Variants in TMEM132D observed in about 807,000 individuals in gnomAD.
TMEM132D encodes the protein mature OL transmembrane protein.
A neutral mutation model predicts 62.3 loss-of-function variants in TMEM132D; 21 were observed. That is an observed-to-expected ratio of 0.34 (90% CI 0.24 to 0.49). The LOEUF is 0.49. Ranked by LOEUF, TMEM132D falls within the 20% of genes least tolerant of loss-of-function variation. TMEM132D has a pLI of 0.99. For missense variants in TMEM132D, 1,346 were observed against 1,402.8 expected (o/e 0.96, Z 0.65); for synonymous variants, 621 against 575.6 (o/e 1.08, Z -1.13).
At chr12:129,881,631 A>C (rs943529437) in intron 1 of TMEM132D, among the ~76,000 whole-genome samples, 5 of 152,040 alleles carry the variant, frequency 3.3e-5, no homozygotes, top group Non-Finnish European at 7.4e-5. Flanking sequence ...GGACATTAGG[A>C]CACAGATAAA....
intron 2 of TMEM132D, among the ~76,000 whole-genome samples, chr12:129,664,721 G>A (rs12302588): frequency 0.26 from 38,809 of 151,856 alleles, 5,268 homozygotes; most frequent in East Asian, 0.36. Flanking sequence ...CACTGCGGCC[G>A]GCCTAGAAGA....
chr12:129,524,372 G>GTA (rs1279831055), intron 3 of TMEM132D, among the ~76,000 whole-genome samples: 1 of 152,040 alleles, frequency 6.6e-6, no homozygotes, highest in African/African-American at 2.4e-5. Context: ...TACATGAGCG[G>GTA]TAACATATCG....
chr12:129,636,258 G>A (rs1444696542), intron 2 of TMEM132D, among the ~76,000 whole-genome samples: 1 of 152,222 alleles, frequency 6.6e-6, no homozygotes, highest in Non-Finnish European at 1.5e-5. Flanking sequence ...CCCCACAAGA[G>A]ACAGATTTGC....
intron 5 of TMEM132D, among the ~76,000 whole-genome samples, chr12:129,123,026 A>T (rs1876111652): frequency 1.3e-5 from 2 of 152,236 alleles, no homozygotes; most frequent in Non-Finnish European, 2.9e-5. Context: ...AAATCTGAGG[A>T]TAATCATAAA....
chr12:129,477,559 A>T (rs1003330975), intron 3 of TMEM132D, among the ~76,000 whole-genome samples: 1 of 152,130 alleles, frequency 6.6e-6, no homozygotes, highest in Admixed American at 6.5e-5. Context: ...CGTGGCTCAC[A>T]CCTGTAATCC....
chr12:129,322,434 T>C (rs138006182), intron 4 of TMEM132D, among the ~76,000 whole-genome samples: 24 of 152,342 alleles, frequency 1.6e-4, no homozygotes, highest in African/African-American at 5.3e-4. Flanking sequence ...GATACAATGT[T>C]TTGTGAAGAG....
In TMEM132D at chr12:129,274,841, A is replaced by C. The variant is rs532712685; in HGVS notation, c.1299+62793T>G. Reference sequence around the variant, plus strand: ...GGCGGAGCTTGCAGTGAGCCGAGATAGCGCCACTGCACTCCAGCCTGGGCG... The same window carrying C: ...GGCGGAGCTTGCAGTGAGCCGAGATCGCGCCACTGCACTCCAGCCTGGGCG... On this transcript the variant is annotated intron_variant, in intron 4 of 8. Transcript: ENST00000422113. Among the ~76,000 whole-genome samples, 1,277 of 152,300 alleles carry C rather than the reference A, an allele frequency of 8.4e-3. 6 individuals are homozygous for C. The highest frequency in any genetic ancestry group is 0.017 in the Middle Eastern group (5 of 294).
At chr12:129,323,956 G>T (rs1298658283) in intron 4 of TMEM132D, among the ~76,000 whole-genome samples, 1 of 150,472 alleles carries the variant, frequency 6.6e-6, no homozygotes, top group Non-Finnish European at 1.5e-5. Context: ...GTAAATAAAT[G>T]GAAAAGCAGT....
At chr12:129,234,282 G>A (rs1879724413) in intron 4 of TMEM132D, among the ~76,000 whole-genome samples, 1 of 152,188 alleles carries the variant, frequency 6.6e-6, no homozygotes, top group Non-Finnish European at 1.5e-5. Context: ...AGGGGTGTTT[G>A]AAAATGTGGA....
chr12:129,311,552 G>A (rs1031100627), intron 4 of TMEM132D, among the ~76,000 whole-genome samples: 3 of 152,140 alleles, frequency 2.0e-5, no homozygotes, highest in East Asian at 1.9e-4. Flanking sequence ...AATTAGAATC[G>A]AGTGCAGAAG....
chr12:129,799,242 G>GC (rs1407782043), intron 1 of TMEM132D, among the ~76,000 whole-genome samples: 4 of 151,922 alleles, frequency 2.6e-5, no homozygotes, highest in African/African-American at 9.7e-5. Context: ...TCCAGCCTGG[G>GC]CACACTCCAC....
At chr12:129,735,741 C>A (rs749577755) in intron 1 of TMEM132D, among the ~76,000 whole-genome samples, 2 of 152,164 alleles carry the variant, frequency 1.3e-5, no homozygotes, top group Non-Finnish European at 2.9e-5. Context: ...GTCAGAATAA[C>A]AGTAATCTTT....
chr12:129,616,355 C>T (rs778323355), intron 2 of TMEM132D, among the ~76,000 whole-genome samples: 10 of 152,126 alleles, frequency 6.6e-5, no homozygotes, highest in Non-Finnish European at 1.5e-4. Flanking sequence ...GGGAGAGGGA[C>T]ACCATGACTG....
intron 3 of TMEM132D, among the ~76,000 whole-genome samples, chr12:129,366,556 C>T (rs1284784363): frequency 6.6e-6 from 1 of 152,186 alleles, no homozygotes; most frequent in Non-Finnish European, 1.5e-5. Context: ...CAAATTAAAC[C>T]TCTTTTCTGT....
At chr12:129,570,120 G>C (rs1043904543) in intron 2 of TMEM132D, among the ~76,000 whole-genome samples, 1 of 152,202 alleles carries the variant, frequency 6.6e-6, no homozygotes, top group Non-Finnish European at 1.5e-5. Flanking sequence ...CAAGAGTCTG[G>C]AGCACATGTC....
At chr12:129,780,434 T>C (rs1335490727) in intron 1 of TMEM132D, among the ~76,000 whole-genome samples, 1 of 152,086 alleles carries the variant, frequency 6.6e-6, no homozygotes, top group Non-Finnish European at 1.5e-5. Context: ...AATCTCGACA[T>C]CTACCTGTCC....
At chr12:129,883,915 A>G (rs559815076) in intron 1 of TMEM132D, among the ~76,000 whole-genome samples, 2 of 152,302 alleles carry the variant, frequency 1.3e-5, no homozygotes, top group East Asian at 3.9e-4. Context: ...ATAGACCTCA[A>G]TGCAATAAAA....
intron 3 of TMEM132D, among the ~76,000 whole-genome samples, chr12:129,510,384 T>C (rs965444404): frequency 6.6e-6 from 1 of 152,178 alleles, no homozygotes; most frequent in African/African-American, 2.4e-5. Context: ...AGATGGGTGG[T>C]TTGTAAATAT....
At chr12:129,163,163 G>C (rs1030408821) in intron 5 of TMEM132D, among the ~76,000 whole-genome samples, 1 of 152,204 alleles carries the variant, frequency 6.6e-6, no homozygotes, top group African/African-American at 2.4e-5. Context: ...AATAAGGCAG[G>C]TGTGCCCTTA....
Sources: allele counts gnomAD v4.1 joint callset (sites outside exome capture counted in the v4.1 genomes callset), GRCh38; gene constraint gnomAD v4.1.1; transcripts MANE v1.5; gene names NCBI Gene and HGNC (gene_info 2026-07-23, HGNC 2026-07-21).